Variants in COL6A6 observed in about 807,000 individuals in gnomAD.
COL6A6 encodes collagen alpha-6(VI) chain.
A neutral mutation model predicts 208.6 loss-of-function variants in COL6A6; 183 were observed. That is an observed-to-expected ratio of 0.88 (90% CI 0.78 to 0.99). The LOEUF is 0.99. Ranked by LOEUF, COL6A6 falls within the 50% of genes least tolerant of loss-of-function variation. The pLI is 0.00. For synonymous variants in COL6A6, 973 were observed against 1,011.8 expected (o/e 0.96, Z 0.73); for missense variants, 2,816 against 2,815.2 (o/e 1.00, Z -0.01).
rs748875933 is a variant in COL6A6 at position 130,649,215 on chromosome 3, G to A, written c.5386G>A (p.Val1796Met). 5.0e-6 allele frequency: 8 copies of A among 1,592,206 alleles called. No homozygotes were observed. The Admixed American group carries it at 1.1e-4, about 21-fold the overall frequency. Residue 1796 changes from valine (V) to methionine (M), a missense_variant, in exon 33 of 37, where the codon GTG becomes ATG. By Grantham distance (21) the Val-to-Met change is conservative. Coordinates refer to ENST00000358511, the MANE Select transcript of COL6A6 (RefSeq NM_001102608.3). Reference protein sequence around the residue: ...DIKVRENSCPVGAHIAILSYN... With the variant: ...DIKVRENSCPMGAHIAILSYN... Reference sequence around the variant, plus strand: ...TAAGGTCCGGGAGAACAGCTGCCCCGTGGGAGCGCACATCGCCATCCTCTC... The same window carrying A: ...TAAGGTCCGGGAGAACAGCTGCCCCATGGGAGCGCACATCGCCATCCTCTC...
chr3:130,639,145 GTTGAGT>G (rs2065237564), intron 28 of COL6A6, among the ~76,000 whole-genome samples: 2 of 152,170 alleles, frequency 1.3e-5, no homozygotes, highest in South Asian at 4.2e-4. Context: ...GGGAGAGTTC[GTTGAGT>G]TTATCTTACA....
At chr3:130,642,415 C>T (rs2065343372) in intron 29 of COL6A6, among the ~76,000 whole-genome samples, 1 of 152,086 alleles carries the variant, frequency 6.6e-6, no homozygotes, top group Admixed American at 6.5e-5. Flanking sequence ...GTGGCTCAGT[C>T]AAAGAATGGG....
intron 28 of COL6A6, among the ~76,000 whole-genome samples, chr3:130,638,786 T>C (rs1026713066): frequency 1.3e-5 from 2 of 152,258 alleles, no homozygotes; most frequent in African/African-American, 2.4e-5. Flanking sequence ...CTTCTTTTGT[T>C]ACTTGGGGAA....
intron 32 of COL6A6, among the ~76,000 whole-genome samples, chr3:130,648,579 G>A (rs978630760): frequency 2.0e-5 from 3 of 152,142 alleles, no homozygotes; most frequent in Non-Finnish European, 2.9e-5. Flanking sequence ...CTCTCTTTGC[G>A]TCTCATTCTT....
At chr3:130,584,505 G>A (rs908922164) in intron 10 of COL6A6, among the ~76,000 whole-genome samples, 1 of 152,098 alleles carries the variant, frequency 6.6e-6, no homozygotes, top group African/African-American at 2.4e-5. Flanking sequence ...AACAAGATGG[G>A]AACTTTCAAC....
chr3:130,610,762 G>A, intron 23 of COL6A6, 51 bp downstream of exon 23: 1 of 1,338,684 alleles, frequency 7.5e-7, no homozygotes, highest in Non-Finnish European at 1.0e-6. Flanking sequence ...GGCTTGATAT[G>A]TCTTTGTGGT....
At chr3:130,659,780 A>C (rs1169776564) in intron 34 of COL6A6, among the ~76,000 whole-genome samples, 1 of 152,186 alleles carries the variant, frequency 6.6e-6, no homozygotes, top group Non-Finnish European at 1.5e-5. Flanking sequence ...TTTCTCCTTC[A>C]CATGTATCAG....
At chr3:130,562,236 CAG>C (rs1027459109) in intron 2 of COL6A6, among the ~76,000 whole-genome samples, 2 of 152,098 alleles carry the variant, frequency 1.3e-5, no homozygotes, top group Non-Finnish European at 2.9e-5. Flanking sequence ...AATGTAGTAC[CAG>C]ATAAGTAGTG....
chr3:130,661,679 C>T lies in COL6A6; in HGVS notation c.5873C>T (p.Pro1958Leu), dbSNP rs1161964757. The T allele has an allele frequency of 2.5e-6, 4 of 1,613,786 alleles. No homozygotes were observed. Among genetic ancestry groups the T allele is most frequent in the Admixed American group, 1.7e-5 (1 of 59,998 alleles). Residue 1958 changes from proline (P) to leucine (L), a missense_variant, in exon 35 of 37, where the codon CCC becomes CTC. Coordinates refer to ENST00000358511, the MANE Select transcript of COL6A6 (RefSeq NM_001102608.3). The part of the protein sequence containing the change: ...PDASCDQARP[P>L]PVQSYMDAAF... The stretch of plus-strand genomic sequence containing the variant: ...GCTTCTTGTGACCAAGCCAGACCAC[C>T]CCCTGTGCAGTCTTACATGGATGCT...
At chr3:130,589,329 T>A in intron 12 of COL6A6, 147 bp downstream of exon 12, 1 of 566,732 alleles carries the variant, frequency 1.8e-6, no homozygotes. Flanking sequence ...ATATGTTAAG[T>A]TAGTCATGGA....
In COL6A6 at chr3:130,649,001, T is replaced by A. The variant is rs1012953366; in HGVS notation, c.5240-68T>A. 5.0e-5 allele frequency: 64 copies of A among 1,292,478 alleles called. 1 individual carries two copies. The highest frequency in any genetic ancestry group is 2.0e-4 in the Middle Eastern group (1 of 5,090). 80.1% of individuals were successfully genotyped at this position (1,292,478 alleles called of 1,614,324 possible). On this transcript the variant is annotated intron_variant, in intron 32 of 36. Transcript: ENST00000358511. ...TGAATGCTTAACATTTAAAATTACT[T>A]TGCCTTCTATGTATCTTTTTTTTTT...
intron 33 of COL6A6, among the ~76,000 whole-genome samples, chr3:130,654,380 AC>A (rs1182851126): frequency 6.6e-6 from 1 of 152,164 alleles, no homozygotes; most frequent in African/African-American, 2.4e-5. Context: ...TGCTGTCTGA[AC>A]TGACACTGGG....
intron 8 of COL6A6, among the ~76,000 whole-genome samples, chr3:130,581,074 A>G (rs2063407883): frequency 6.6e-6 from 1 of 152,118 alleles, no homozygotes; most frequent in South Asian, 2.1e-4. Flanking sequence ...CTTTTTAGAA[A>G]TATAAATCAT....
chr3:130,674,345 G>C (rs1431566828), intron 36 of COL6A6, among the ~76,000 whole-genome samples: 1 of 152,166 alleles, frequency 6.6e-6, no homozygotes, highest in Non-Finnish European at 1.5e-5. Flanking sequence ...TGTCAGCAGA[G>C]GTTTTTTCAG....
At chr3:130,557,285 G>A (rs775329717) in intron 1 of COL6A6, among the ~76,000 whole-genome samples, 1 of 152,152 alleles carries the variant, frequency 6.6e-6, no homozygotes, top group African/African-American at 2.4e-5. Flanking sequence ...AAATGCAACT[G>A]GGGGAAAGTA....
intron 8 of COL6A6, among the ~76,000 whole-genome samples, chr3:130,575,300 A>G (rs6802867): frequency 0.046 from 7,061 of 152,302 alleles, 558 homozygotes; most frequent in African/African-American, 0.16. Context: ...TAATAGCAGT[A>G]CCTAGTTCAA....
chr3:130,547,391 C>G (rs2062537819), intron 1 of COL6A6, among the ~76,000 whole-genome samples: 1 of 152,258 alleles, frequency 6.6e-6, no homozygotes, highest in African/African-American at 2.4e-5. Flanking sequence ...ACTGGGAACT[C>G]GCACTGGCCT....
chr3:130,555,371 C>T (rs1441926020), intron 1 of COL6A6, among the ~76,000 whole-genome samples: 2 of 152,170 alleles, frequency 1.3e-5, no homozygotes, highest in Non-Finnish European at 2.9e-5. Flanking sequence ...CCTCCCTCTT[C>T]AGCCCCAGAT....
chr3:130,599,688 TTGA>T lies in COL6A6; in HGVS notation c.4600-66_4600-64del, dbSNP rs780264847. ...CTATCTATCCTCCCTGGAGTAAAAG[TTGA>T]TGTTAAAGAGAAACTCTGTCAATGC... On this transcript the variant is annotated intron_variant, in intron 19 of 36. Transcript: ENST00000358511. 8.5e-4 allele frequency: 1,287 copies of T among 1,521,220 alleles called. 2 individuals carry two copies. Among genetic ancestry groups the T allele is most frequent in the Non-Finnish European group, 1.1e-3 (1,199 of 1,098,210 alleles). The allele number at this position is 1,521,220 out of a possible 1,614,324, so 94.2% of individuals were successfully genotyped here.
Sources: allele counts gnomAD v4.1 joint callset (sites outside exome capture counted in the v4.1 genomes callset), GRCh38; gene constraint gnomAD v4.1.1; transcripts MANE v1.5; gene names NCBI Gene and HGNC (gene_info 2026-07-23, HGNC 2026-07-21).